REPS2: variants seen among roughly 807,000 people sequenced by gnomAD.
REPS2 encodes ralBP1-associated Eps domain-containing protein 2.
Under a neutral mutation model 53.6 loss-of-function variants are expected in REPS2, and 23 were observed. That is an observed-to-expected ratio of 0.43 (90% CI 0.31 to 0.61). REPS2 has a LOEUF of 0.61. REPS2 is among the 20% of genes least tolerant of loss of function. The pLI is 0.11. For missense variants in REPS2, 446 were observed against 534.9 expected (o/e 0.83, Z 1.64); for synonymous variants, 238 against 218.6 (o/e 1.09, Z -0.78).
chrX:17,096,232 G>T (rs1227869296), intron 13 of REPS2, among the ~76,000 whole-genome samples: 2 of 111,824 alleles, frequency 1.8e-5, no homozygotes, highest in African/African-American at 6.5e-5. Context: ...AAGTTTTCCT[G>T]TCGGTAAAGT....
At chrX:17,174,520 C>T in the REPS2 span, among the ~76,000 whole-genome samples, 1 of 111,811 alleles carries the variant, frequency 8.9e-6, no homozygotes, top group Non-Finnish European at 1.9e-5. Context: ...GCTAGAGCCA[C>T]CCACGTTTGC....
chrX:17,171,382 T>C, the REPS2 span, among the ~76,000 whole-genome samples: 390 of 112,326 alleles, frequency 3.5e-3, 1 homozygote, highest in Non-Finnish European at 6.1e-3. Flanking sequence ...CATGTCATCC[T>C]GGCAGAAGCA....
intron 13 of REPS2, among the ~76,000 whole-genome samples, chrX:17,096,659 CA>C (rs1181603042): frequency 1.2e-4 from 2 of 17,351 alleles, no homozygotes; most frequent in Non-Finnish European, 1.0e-4. Context: ...GACTCCGTCT[CA>C]AAAAAAAAAA....
At chrX:17,187,573 G>A in the REPS2 span, among the ~76,000 whole-genome samples, 16,321 of 111,740 alleles carry the variant, frequency 0.15, 956 homozygotes, top group African/African-American at 0.2. Flanking sequence ...GAAGATTCCA[G>A]CTGGACAGGC....
chrX:17,160,556 C>A, the REPS2 span, among the ~76,000 whole-genome samples: 5 of 112,678 alleles, frequency 4.4e-5, no homozygotes, highest in Non-Finnish European at 7.5e-5. Flanking sequence ...TGTTGGCTTG[C>A]ACCAAAAGGA....
At chrX:17,009,047 T>G (rs1390347826) in intron 2 of REPS2, among the ~76,000 whole-genome samples, 3 of 111,957 alleles carry the variant, frequency 2.7e-5, no homozygotes, top group Non-Finnish European at 3.8e-5. Flanking sequence ...TGCCTCTATC[T>G]CTTTGTCCCT....
chrX:17,108,964 A>C (rs1339048890), intron 14 of REPS2, among the ~76,000 whole-genome samples: 29 of 106,381 alleles, frequency 2.7e-4, no homozygotes, highest in African/African-American at 1.0e-3. Flanking sequence ...GCTTTACTGC[A>C]GATTTAAAAA....
intron 13 of REPS2, among the ~76,000 whole-genome samples, chrX:17,086,375 A>G (rs2062536469): frequency 8.9e-6 from 1 of 112,529 alleles, no homozygotes; most frequent in Admixed American, 9.4e-5. Context: ...TGTTATGATA[A>G]AGATCCCAGC....
Position 17,054,308 on chromosome X carries a change from G to A in REPS2, c.972-500G>A, listed in dbSNP as rs185321529. Among the ~76,000 whole-genome samples, 544 of 112,694 alleles carry A rather than the reference G, an allele frequency of 4.8e-3. 2 individuals carry two copies. The highest frequency in any genetic ancestry group is 0.017 in the African/African-American group (520 of 31,043). On this transcript the variant is annotated intron_variant, in intron 7 of 17. Transcript: ENST00000357277. ...AGAACAGTTTGGTACAAAAATTTAC[G>A]TGACTTGAAAAGTTCACGGTTTTCC... is the stretch of plus-strand genomic sequence containing the variant.
intron 12 of REPS2, among the ~76,000 whole-genome samples, chrX:17,076,502 C>T (rs770926979): frequency 3.2e-4 from 36 of 111,662 alleles, no homozygotes; most frequent in Non-Finnish European, 5.3e-4. Flanking sequence ...CAAAGTATTC[C>T]CCCGCCAACT....
chrX:17,002,031 A>G (rs1162779705), intron 1 of REPS2, among the ~76,000 whole-genome samples: 2 of 111,939 alleles, frequency 1.8e-5, no homozygotes, highest in African/African-American at 6.5e-5. Context: ...CAGCCAAACC[A>G]TATCATGTTG....
the REPS2 span, among the ~76,000 whole-genome samples, chrX:17,177,019 A>T: frequency 2.7e-5 from 3 of 112,023 alleles, no homozygotes; most frequent in Admixed American, 2.8e-4. Flanking sequence ...GATGAGTTTC[A>T]CAGTGATGGA....
chrX:17,165,957 A>G, the REPS2 span, among the ~76,000 whole-genome samples: 4 of 112,079 alleles, frequency 3.6e-5, no homozygotes, highest in South Asian at 7.5e-4. Flanking sequence ...GAAAAAAGAG[A>G]GAAAGAAAAA....
chrX:17,015,734 C>T (rs1450464234), intron 2 of REPS2, among the ~76,000 whole-genome samples: 3 of 111,639 alleles, frequency 2.7e-5, no homozygotes, highest in African/African-American at 9.8e-5. Context: ...CTACAAAGGA[C>T]ATGAACTCAT....
At chrX:17,164,604 C>G in the REPS2 span, among the ~76,000 whole-genome samples, 1 of 111,673 alleles carries the variant, frequency 9.0e-6, no homozygotes, top group Admixed American at 9.5e-5. Context: ...CAAAAGCTGT[C>G]AAAATTGAAG....
chrX:17,048,357 C>T (rs770172891), intron 6 of REPS2, among the ~76,000 whole-genome samples: 5 of 111,884 alleles, frequency 4.5e-5, no homozygotes, highest in South Asian at 3.7e-4. Flanking sequence ...TTAATGTTGA[C>T]GTCATGATTA....
At chrX:16,961,562 G>A (rs1156899368) in intron 1 of REPS2, among the ~76,000 whole-genome samples, 1 of 111,795 alleles carries the variant, frequency 8.9e-6, no homozygotes, top group Non-Finnish European at 1.9e-5. Flanking sequence ...TAGGGGAAAA[G>A]CTCCTTGATA....
intron 1 of REPS2, among the ~76,000 whole-genome samples, chrX:16,954,477 C>T (rs1404909505): frequency 9.0e-6 from 1 of 111,541 alleles, no homozygotes; most frequent in Non-Finnish European, 1.9e-5. Flanking sequence ...AGGAAGGAAC[C>T]AGGGTGGGCA....
the REPS2 span, among the ~76,000 whole-genome samples, chrX:17,193,469 G>A: frequency 1.8e-5 from 2 of 111,375 alleles, no homozygotes; most frequent in Non-Finnish European, 3.8e-5. Flanking sequence ...GGGAGGGCTT[G>A]TGAATTGTCC....
Sources: gnomAD v4.1 joint callset for allele counts (sites outside exome capture counted in the v4.1 genomes callset) on GRCh38, gnomAD v4.1.1 for gene constraint, MANE v1.5 for transcripts, NCBI Gene and HGNC (gene_info 2026-07-23, HGNC 2026-07-21) for gene names.